Variants in KPNB1 observed in about 807,000 individuals in gnomAD.
KPNB1 encodes the protein karyopherin subunit beta 1.
A neutral mutation model predicts 113.0 loss-of-function variants in KPNB1; 7 were observed. That is an observed-to-expected ratio of 0.06 (90% CI 0.04 to 0.12). KPNB1 has a LOEUF of 0.12. KPNB1 is among the 10% of genes least tolerant of loss of function. The pLI, the probability that KPNB1 is intolerant of heterozygous loss-of-function variation, is 1.00. For missense variants in KPNB1, 400 were observed against 1,054.8 expected (o/e 0.38, Z 8.60); for synonymous variants, 363 against 378.6 (o/e 0.96, Z 0.48).
chr17:47,663,046 C>T (rs781617004), intron 6 of KPNB1, 43 bp from the exon 7 acceptor site: 2 of 1,026,006 alleles, frequency 1.9e-6, no homozygotes, highest in Non-Finnish European at 3.1e-6. Context: ...TGTCAGATTG[C>T]GTTGTTATTT....
chr17:47,655,266 T>C (rs1915686798), intron 3 of KPNB1, among the ~76,000 whole-genome samples: 1 of 152,230 alleles, frequency 6.6e-6, no homozygotes, highest in South Asian at 2.1e-4. Flanking sequence ...GCTTCATCTT[T>C]TATCATACCT....
At chr17:47,654,419 A>T (rs1464064642) in intron 3 of KPNB1, among the ~76,000 whole-genome samples, 2 of 151,442 alleles carry the variant, frequency 1.3e-5, no homozygotes, top group African/African-American at 4.9e-5. Flanking sequence ...ATTTCTTAAA[A>T]AAAAAAAAAA....
intron 10 of KPNB1, among the ~76,000 whole-genome samples, chr17:47,669,325 G>GAACTCCTGACCTCAAGC (rs1023184623): frequency 2.0e-5 from 3 of 152,180 alleles, no homozygotes; most frequent in South Asian, 4.1e-4. Context: ...GGCTGGTCTT[G>GAACTCCTGACCTCAAGC]AACTCCTGAC....
At chr17:47,670,590 C>T (rs1286766818) in intron 11 of KPNB1, 112 bp from the exon 12 acceptor site, 2 of 1,091,900 alleles carry the variant, frequency 1.8e-6, no homozygotes, top group African/African-American at 3.1e-5. Flanking sequence ...ATGACCTTGG[C>T]AGAAAAAGTT....
intron 9 of KPNB1, among the ~76,000 whole-genome samples, chr17:47,666,682 G>A (rs905904342): frequency 1.3e-5 from 2 of 149,926 alleles, no homozygotes; most frequent in Non-Finnish European, 1.5e-5. Flanking sequence ...GCAGTGGTGC[G>A]ACCTCGGCTC....
At chr17:47,681,164 G>A (rs553633109) in intron 21 of KPNB1, among the ~76,000 whole-genome samples, 18 of 151,620 alleles carry the variant, frequency 1.2e-4, no homozygotes, top group Non-Finnish European at 2.6e-4. Context: ...CTGCCTCCTG[G>A]GTTTGAGCAA....
At chr17:47,679,399 G>A (rs745642757) in intron 19 of KPNB1, among the ~76,000 whole-genome samples, 11 of 152,018 alleles carry the variant, frequency 7.2e-5, no homozygotes, top group Non-Finnish European at 1.3e-4. Context: ...CATAATTCCC[G>A]TTACGTGTTC....
chr17:47,680,519 C>T lies in KPNB1; in HGVS notation c.2480C>T (p.Thr827Ile), dbSNP rs1211315139. 6.2e-7 allele frequency: 1 copy of T among 1,614,154 alleles called. No individual in the cohort carries two copies. Among genetic ancestry groups the T allele is most frequent in the Non-Finnish European group, 8.5e-7 (1 of 1,180,000 alleles). The change falls in exon 21 of 22, where the codon ACA (threonine) becomes ATA (isoleucine). Residue 827 changes from threonine to isoleucine, a missense_variant. Physicochemically the swap from Thr to Ile is moderately conservative, Grantham distance 89. This residue lies in a region of KPNB1 where 115 missense variants were observed against 427.9 expected (regional missense o/e 0.27). Transcript: ENST00000290158. Reference protein sequence around the residue: ...CAAGLIGDLCTAFGKDVLKLV... With the variant: ...CAAGLIGDLCIAFGKDVLKLV... The stretch of plus-strand genomic sequence containing the variant: ...TTTGTTTTGCACAGGGACTTATGTA[C>T]AGCATTTGGGAAGGATGTACTGAAA...
chr17:47,653,868 T>C (rs1472028884), intron 3 of KPNB1, among the ~76,000 whole-genome samples: 1 of 152,194 alleles, frequency 6.6e-6, no homozygotes, highest in Non-Finnish European at 1.5e-5. Context: ...TCAAATCGTT[T>C]TGGAGCATGT....
chr17:47,673,656 T>A, intron 14 of KPNB1, 95 bp downstream of exon 14: 1 of 937,402 alleles, frequency 1.1e-6, no homozygotes, highest in Non-Finnish European at 1.8e-6. Context: ...TCGAAAATGG[T>A]ATAGATGATG....
intron 5 of KPNB1, 104 bp downstream of exon 5, chr17:47,658,764 C>T (rs1447452550): frequency 4.3e-6 from 4 of 939,928 alleles, no homozygotes; most frequent in South Asian, 1.7e-5. Context: ...TAGAAAGTAC[C>T]ACCTACTTAA....
Position 47,674,801 on chromosome 17 carries a change from C to T in KPNB1, c.1912+19C>T. 6.2e-7 allele frequency: 1 copy of T among 1,601,186 alleles called. No individual in the cohort carries two copies. The highest frequency in any genetic ancestry group is 8.5e-7 in the Non-Finnish European group (1 of 1,174,544). On this transcript the variant is annotated intron_variant, in intron 15 of 21. Coordinates refer to ENST00000290158, the MANE Select transcript of KPNB1 (RefSeq NM_002265.6). Reference sequence around the variant, plus strand: ...GTGGAAGGTCGGTGAGAAATACTGTCTGGTCAGGGAATGTCTTTGGAATGT... The same window carrying T: ...GTGGAAGGTCGGTGAGAAATACTGTTTGGTCAGGGAATGTCTTTGGAATGT...
chr17:47,679,874 T>A (rs531067396), intron 19 of KPNB1, 146 bp from the exon 20 acceptor site: 8 of 565,650 alleles, frequency 1.4e-5, no homozygotes, highest in Non-Finnish European at 1.9e-5. Flanking sequence ...TTTTTTTGTA[T>A]TTTTAGTAGA....
chr17:47,670,590 C>A, intron 11 of KPNB1, 112 bp from the exon 12 acceptor site: 3 of 1,092,014 alleles, frequency 2.7e-6, no homozygotes, highest in Non-Finnish European at 3.9e-6. Flanking sequence ...ATGACCTTGG[C>A]AGAAAAAGTT....
chr17:47,678,626 G>C lies in KPNB1; in HGVS notation c.2353+213G>C, dbSNP rs887686775. On this transcript the variant is annotated intron_variant, in intron 19 of 21. Coordinates refer to ENST00000290158, the MANE Select transcript of KPNB1 (RefSeq NM_002265.6). Reference sequence around the variant, plus strand: ...GCTTCTTCTTTCTTTTTTTTGTTTTGAGACGGAGTCTCACTCTGTTGCCCA... The same window carrying C: ...GCTTCTTCTTTCTTTTTTTTGTTTTCAGACGGAGTCTCACTCTGTTGCCCA... 1.2e-4 allele frequency: 61 copies of C among 519,682 alleles called. 1 individual carries two copies. The highest frequency in any genetic ancestry group is 5.6e-4 in the South Asian group (26 of 46,378). The allele number at this position is 519,682 out of a possible 1,614,324, so 32.2% of individuals were successfully genotyped here. A position where few individuals can be genotyped will look rare whatever the true frequency, so the allele number is the denominator to read the frequency against.
chr17:47,649,990 G>A lies in KPNB1; in HGVS notation c.-255G>A. On this transcript the variant is annotated 5_prime_UTR_variant, in exon 1 of 22. Coordinates refer to ENST00000290158, the MANE Select transcript of KPNB1 (RefSeq NM_002265.6). ...CTCCCTCCGCCTCCCGAGCACCAGCGCGCTCTGAGCTGCCCCCAGGGTCCC... is the reference window on the plus strand; with the variant it reads ...CTCCCTCCGCCTCCCGAGCACCAGCACGCTCTGAGCTGCCCCCAGGGTCCC... 1.5e-6 allele frequency: 2 copies of A among 1,308,656 alleles called. No individual in the cohort carries two copies. The highest frequency in any genetic ancestry group is 1.9e-6 in the Non-Finnish European group (2 of 1,031,866). 81.1% of individuals were successfully genotyped at this position (1,308,656 alleles called of 1,614,324 possible). A position where few individuals can be genotyped will look rare whatever the true frequency, so the allele number is the denominator to read the frequency against.
At position 47,650,507 on chromosome 17, in the gene KPNB1, C is replaced by T. The variant is rs1244554742; in HGVS notation, c.99+63C>T. The T allele has an allele frequency of 5.3e-6, 8 of 1,498,926 alleles. No homozygotes were observed. The Admixed American group carries it at 9.6e-5, about 18-fold the overall frequency. The allele number at this position is 1,498,926 out of a possible 1,614,324, so 92.9% of individuals were successfully genotyped here. ...CCATCCCCTGCGTGCGGGGCCTTCC[C>T]GCCCTCCCGGAGGCCCAGGCCTCGG... On this transcript the variant is annotated intron_variant, in intron 2 of 21. Coordinates refer to ENST00000290158, the MANE Select transcript of KPNB1 (RefSeq NM_002265.6).
At chr17:47,663,787 C>A (rs2030181330) in intron 7 of KPNB1, among the ~76,000 whole-genome samples, 1 of 152,064 alleles carries the variant, frequency 6.6e-6, no homozygotes, top group African/African-American at 2.4e-5. Flanking sequence ...GAGTTTGAGA[C>A]CAGCCTAGGC....
At position 47,668,868 on chromosome 17, in the gene KPNB1, A is replaced by G. The variant is rs569140178; in HGVS notation, c.1224+458A>G. On this transcript the variant is annotated intron_variant, in intron 10 of 21. Transcript: ENST00000290158. ...CTATTCTTTGGACAAAATGTCCTTT[A>G]TGTAATGAAAATGTTCTTATGGAAA... Among the ~76,000 whole-genome samples, 15 of 151,814 alleles carry G rather than the reference A, an allele frequency of 9.9e-5. No individual in the cohort carries two copies. In the East Asian group the frequency reaches 2.9e-3, roughly 29 times the overall value.
Sources: gnomAD v4.1 joint callset for allele counts (sites outside exome capture counted in the v4.1 genomes callset) on GRCh38, gnomAD v4.1.1 for gene constraint, gnomAD v4.1.1 regional missense constraint, MANE v1.5 for transcripts, NCBI Gene and HGNC (gene_info 2026-07-23, HGNC 2026-07-21) for gene names.